PIP4K2A: variants seen among roughly 807,000 people sequenced by gnomAD.
PIP4K2A encodes phosphatidylinositol 5-phosphate 4-kinase type-2 alpha.
Under a neutral mutation model 42.9 loss-of-function variants are expected in PIP4K2A, and 14 were observed. The ratio of observed to expected loss-of-function variants is 0.33; its 90% CI spans 0.22 to 0.51. PIP4K2A has a LOEUF of 0.51. Among genes scored for constraint, PIP4K2A ranks in the 20% least tolerant of loss-of-function variants. The pLI, the probability that PIP4K2A is intolerant of heterozygous loss-of-function variation, is 0.97. For missense variants in PIP4K2A, 434 were observed against 519.8 expected (o/e 0.83, Z 1.61); for synonymous variants, 192 against 192.2 (o/e 1.00, Z 0.01).
intron 8 of PIP4K2A, among the ~76,000 whole-genome samples, chr10:22,540,275 C>A (rs557617807): frequency 2.6e-5 from 4 of 152,278 alleles, no homozygotes; most frequent in African/African-American, 9.6e-5. Flanking sequence ...GACCCAGTCC[C>A]CCTGCAATTT....
chr10:22,554,126 G>A (rs1347700082), intron 6 of PIP4K2A, among the ~76,000 whole-genome samples: 6 of 151,982 alleles, frequency 3.9e-5, no homozygotes, highest in South Asian at 2.1e-4. Context: ...GGGTGACATA[G>A]TAAGACCCTA....
At chr10:22,573,288 A>G in intron 5 of PIP4K2A, 23 bp downstream of exon 5, 1 of 1,606,944 alleles carries the variant, frequency 6.2e-7, no homozygotes, top group Non-Finnish European at 8.5e-7. Context: ...TTACTTTACA[A>G]AAATTCATAA....
chr10:22,667,576 G>A (rs1189404129), intron 1 of PIP4K2A, among the ~76,000 whole-genome samples: 5 of 151,938 alleles, frequency 3.3e-5, no homozygotes, highest in East Asian at 1.9e-4. Context: ...AACAAATGAC[G>A]TGCTTCTCAT....
At chr10:22,629,141 C>T (rs1245309993) in intron 1 of PIP4K2A, among the ~76,000 whole-genome samples, 2 of 152,120 alleles carry the variant, frequency 1.3e-5, no homozygotes, top group Non-Finnish European at 2.9e-5. Flanking sequence ...GAACAATTTA[C>T]CAGAAACTTA....
At chr10:22,684,678 T>C (rs1019205993) in intron 1 of PIP4K2A, among the ~76,000 whole-genome samples, 7 of 152,210 alleles carry the variant, frequency 4.6e-5, no homozygotes, top group African/African-American at 9.6e-5. Context: ...CCCTGGTCTA[T>C]AGGATGCCAC....
intron 1 of PIP4K2A, among the ~76,000 whole-genome samples, chr10:22,661,004 C>T (rs1377856193): frequency 2.0e-5 from 3 of 152,076 alleles, no homozygotes; most frequent in Non-Finnish European, 2.9e-5. Context: ...AACAGGAGAG[C>T]GGTTGTGTGT....
At chr10:22,628,961 G>A (rs543346856) in intron 1 of PIP4K2A, among the ~76,000 whole-genome samples, 4 of 152,248 alleles carry the variant, frequency 2.6e-5, no homozygotes, top group East Asian at 1.9e-4. Flanking sequence ...GCCTGAACAC[G>A]TTTTTCAGGT....
rs1833976132 is a variant in PIP4K2A, at chr10:22,714,546, C to G, written c.-220G>C. 2 of 148,870 alleles carry G rather than the reference C, an allele frequency of 1.3e-5. No homozygotes were observed. Among genetic ancestry groups the G allele is most frequent in the East Asian group, 4.0e-4 (2 of 5,032 alleles). The allele number at this position is 148,870 out of a possible 1,614,324, so 9.2% of individuals were successfully genotyped here. A position where few individuals can be genotyped will look rare whatever the true frequency, so the allele number is the denominator to read the frequency against. On this transcript the variant is annotated 5_prime_UTR_variant, in exon 1 of 10. Transcript: ENST00000376573. ...GGCTCGCGCCCCGGCCCGTATCCTG[C>G]GCCCGCCGCGGATCCGCGCTCAGCC...
rs531364565 is a variant in PIP4K2A at position 22,550,571 on chromosome 10, A to G, written c.792+88T>C. The G allele has an allele frequency of 2.8e-3, 2,196 of 795,412 alleles. 49 individuals carry two copies. The South Asian group carries it at 0.031, about 11-fold the overall frequency. 49.3% of individuals were successfully genotyped at this position (795,412 alleles called of 1,614,324 possible). ...ATGCAGGTTTTTGCCTTGATTGAAG[A>G]TTTAAATAGATGGTTTAAAAAGCTC... On this transcript the variant is annotated intron_variant, in intron 7 of 9. Coordinates refer to ENST00000376573, the MANE Select transcript of PIP4K2A (RefSeq NM_005028.5).
At chr10:22,609,843 A>G (rs1320599421) in intron 1 of PIP4K2A, 126 bp from the exon 2 acceptor site, 1 of 587,560 alleles carries the variant, frequency 1.7e-6, no homozygotes, top group Non-Finnish European at 3.0e-6. Flanking sequence ...CCACCAACCC[A>G]CCCTCCTTCC....
chr10:22,663,774 A>C (rs1839253786), intron 1 of PIP4K2A, among the ~76,000 whole-genome samples: 1 of 151,718 alleles, frequency 6.6e-6, no homozygotes. Flanking sequence ...ATTCCACATA[A>C]ATACACAGTC....
chr10:22,632,370 TA>T (rs1457343690), intron 1 of PIP4K2A, among the ~76,000 whole-genome samples: 3 of 152,230 alleles, frequency 2.0e-5, no homozygotes, highest in African/African-American at 7.2e-5. Context: ...GCTACATTTT[TA>T]TGTCTGAAAT....
At chr10:22,571,107 A>G (rs532114175) in intron 5 of PIP4K2A, among the ~76,000 whole-genome samples, 1 of 152,362 alleles carries the variant, frequency 6.6e-6, no homozygotes, top group East Asian at 1.9e-4. Context: ...GTTTATAAAG[A>G]AGGAATGATT....
chr10:22,690,351 A>AT (rs1839840761), intron 1 of PIP4K2A, among the ~76,000 whole-genome samples: 1 of 152,218 alleles, frequency 6.6e-6, no homozygotes. Flanking sequence ...GAACTCAGGC[A>AT]CTATGCTACA....
At chr10:22,537,592 A>G (rs1457752906) in intron 9 of PIP4K2A, among the ~76,000 whole-genome samples, 1 of 152,216 alleles carries the variant, frequency 6.6e-6, no homozygotes, top group African/African-American at 2.4e-5. Flanking sequence ...GTTACTATCA[A>G]AGAGTGGAAT....
intron 1 of PIP4K2A, among the ~76,000 whole-genome samples, chr10:22,626,106 T>C (rs1838429808): frequency 6.6e-6 from 1 of 152,112 alleles, no homozygotes; most frequent in Admixed American, 6.6e-5. Flanking sequence ...TCCCATGGCC[T>C]GGTGGGAGGC....
Position 22,605,650 on chromosome 10 carries a change from A to G in PIP4K2A, c.339+2277T>C, listed in dbSNP as rs547756066. ...ATTTCAATAATGAATTGAGGAATCT[A>G]ACAAGATAAGATAGATGCATGGGCC... On this transcript the variant is annotated intron_variant, in intron 3 of 9. Transcript: ENST00000376573. Among the ~76,000 whole-genome samples the G allele has an allele frequency of 1.1e-4, 16 of 152,356 alleles. No individual in the cohort carries two copies. In the South Asian group the frequency reaches 3.1e-3, roughly 30 times the overall value.
intron 5 of PIP4K2A, among the ~76,000 whole-genome samples, chr10:22,569,347 T>C (rs1836926837): frequency 6.6e-6 from 1 of 152,168 alleles, no homozygotes; most frequent in Non-Finnish European, 1.5e-5. Context: ...ACCCATCAGA[T>C]GGAGACAGAT....
chr10:22,536,971 CA>C lies in PIP4K2A; in HGVS notation c.*229del. ...CGCACACACTCACCCCCCCCCAACA[CA>C]CACACACACACATATACACAAAGTC... On this transcript the variant is annotated 3_prime_UTR_variant, in exon 10 of 10. Coordinates refer to ENST00000376573, the MANE Select transcript of PIP4K2A (RefSeq NM_005028.5). 1 of 293,700 alleles carries C rather than the reference CA, an allele frequency of 3.4e-6. No individual in the cohort carries two copies. The highest frequency in any genetic ancestry group is 6.2e-6 in the Non-Finnish European group (1 of 160,532). The allele number at this position is 293,700 out of a possible 1,614,324, so 18.2% of individuals were successfully genotyped here.
Sources: allele counts gnomAD v4.1 joint callset (sites outside exome capture counted in the v4.1 genomes callset), GRCh38; gene constraint gnomAD v4.1.1; transcripts MANE v1.5; gene names NCBI Gene and HGNC (gene_info 2026-07-23, HGNC 2026-07-21).